LOC122539214: variants seen among roughly 807,000 people sequenced by gnomAD.
At chr19:52,669,795 A>G in the LOC122539214 span, among the ~76,000 whole-genome samples, 1 of 152,192 alleles carries the variant, frequency 6.6e-6, no homozygotes, top group East Asian at 1.9e-4. Flanking sequence ...CACACCATGC[A>G]TCCGTGGGTT....
chr19:52,651,599 C>T, the LOC122539214 span: 2 of 147,864 alleles, frequency 1.4e-5, no homozygotes, highest in South Asian at 2.1e-4. Flanking sequence ...AAGAGAATTG[C>T]TTGAATGCAG....
At chr19:52,655,457 T>C in the LOC122539214 span, 1 of 1,093,350 alleles carries the variant, frequency 9.1e-7, no homozygotes, top group Non-Finnish European at 1.3e-6. Context: ...GACATGTACA[T>C]CAAAAGCATG....
chr19:52,659,289 A>G, the LOC122539214 span, among the ~76,000 whole-genome samples: 4 of 152,070 alleles, frequency 2.6e-5, no homozygotes, highest in African/African-American at 9.7e-5. Flanking sequence ...AACAAAGGCA[A>G]AGAAGGATTT....
At chr19:52,657,323 A>G in the LOC122539214 span, among the ~76,000 whole-genome samples, 3 of 152,158 alleles carry the variant, frequency 2.0e-5, no homozygotes, top group African/African-American at 7.2e-5. Flanking sequence ...TAAATTAAAA[A>G]TTAGTGAAAA....
chr19:52,684,387 A>C, the LOC122539214 span, among the ~76,000 whole-genome samples: 1 of 151,862 alleles, frequency 6.6e-6, no homozygotes, highest in Admixed American at 6.6e-5. Flanking sequence ...AAATAAAAAT[A>C]AAAATACAAA....
At chr19:52,687,475 T>G in the LOC122539214 span, among the ~76,000 whole-genome samples, 2,515 of 57,348 alleles carry the variant, frequency 0.044, 972 homozygotes, top group African/African-American at 0.31. Context: ...AATTTATATA[T>G]CTATATAAAT....
At chr19:52,683,195 C>A in the LOC122539214 span, among the ~76,000 whole-genome samples, 1 of 151,274 alleles carries the variant, frequency 6.6e-6, no homozygotes, top group Non-Finnish European at 1.5e-5. Flanking sequence ...GGCATCTTGA[C>A]TTGATCCTCA....
the LOC122539214 span, among the ~76,000 whole-genome samples, chr19:52,678,978 A>G: frequency 6.6e-6 from 1 of 152,090 alleles, no homozygotes; most frequent in South Asian, 2.1e-4. Flanking sequence ...CATCTCAAAA[A>G]AAAAAAAAAG....
the LOC122539214 span, among the ~76,000 whole-genome samples, chr19:52,678,287 T>C: frequency 6.7e-6 from 1 of 150,088 alleles, no homozygotes; most frequent in Admixed American, 6.6e-5. Flanking sequence ...CCCGTCTTAC[T>C]AAAAATATAA....
chr19:52,674,015 CAAA>C, the LOC122539214 span, among the ~76,000 whole-genome samples: 6 of 73,042 alleles, frequency 8.2e-5, no homozygotes, highest in Admixed American at 1.7e-4. Context: ...GACTCCATCT[CAAA>C]AAAAAAAAAA....
At chr19:52,686,439 C>T in the LOC122539214 span, among the ~76,000 whole-genome samples, 1 of 143,246 alleles carries the variant, frequency 7.0e-6, no homozygotes. Context: ...TTTTCTCAAA[C>T]TCCAACTGCA....
chr19:52,666,246 A>G, the LOC122539214 span, among the ~76,000 whole-genome samples: 1 of 151,864 alleles, frequency 6.6e-6, no homozygotes, highest in South Asian at 2.1e-4. Flanking sequence ...TCAAAGAGAG[A>G]GGGAGAAAGA....
the LOC122539214 span, among the ~76,000 whole-genome samples, chr19:52,688,759 T>C: frequency 1.3e-5 from 2 of 152,222 alleles, no homozygotes; most frequent in Non-Finnish European, 2.9e-5. Flanking sequence ...ACTGCATTTA[T>C]TCACTCCAAG....
the LOC122539214 span, among the ~76,000 whole-genome samples, chr19:52,656,814 T>C: frequency 6.8e-6 from 1 of 146,110 alleles, no homozygotes; most frequent in African/African-American, 2.5e-5. Flanking sequence ...TGCAGTGAGC[T>C]GAGATAGTGC....
chr19:52,680,717 A>G, the LOC122539214 span, among the ~76,000 whole-genome samples: 1 of 131,280 alleles, frequency 7.6e-6, no homozygotes, highest in Admixed American at 8.3e-5. Context: ...GGTTCACGCC[A>G]TTCTCCTGCC....
chr19:52,656,454 G>A, the LOC122539214 span, among the ~76,000 whole-genome samples: 1 of 152,126 alleles, frequency 6.6e-6, no homozygotes, highest in Non-Finnish European at 1.5e-5. Context: ...CAACTCTGGA[G>A]GCAGAGGTTG....
chr19:52,664,699 T>A, the LOC122539214 span, among the ~76,000 whole-genome samples: 2 of 29,294 alleles, frequency 6.8e-5, no homozygotes, highest in Non-Finnish European at 1.3e-4. Flanking sequence ...GCAGATTAAG[T>A]GGGTGGGGCC....
At chr19:52,653,040 C>A in the LOC122539214 span, 1 of 1,475,554 alleles carries the variant, frequency 6.8e-7, no homozygotes, top group Admixed American at 1.7e-5. Flanking sequence ...GATTAAAAAC[C>A]TTGCCACATT....
the LOC122539214 span, among the ~76,000 whole-genome samples, chr19:52,666,163 CAA>C: frequency 1.1e-4 from 11 of 102,344 alleles, no homozygotes; most frequent in Non-Finnish European, 1.1e-4. Context: ...GACTCCATCT[CAA>C]AAAAAAAAAA....
Sources: allele counts gnomAD v4.1 joint callset (sites outside exome capture counted in the v4.1 genomes callset), GRCh38; gene constraint gnomAD v4.1.1; transcripts MANE v1.5.